CNTNAP5: variants seen among roughly 807,000 people sequenced by gnomAD.
CNTNAP5 encodes contactin-associated protein-like 5.
A neutral mutation model predicts 150.2 loss-of-function variants in CNTNAP5; 72 were observed. That is an observed-to-expected ratio of 0.48 (90% CI 0.40 to 0.58). CNTNAP5 has a LOEUF of 0.58. Ranked by LOEUF, CNTNAP5 falls within the 20% of genes least tolerant of loss-of-function variation. The pLI, the probability that CNTNAP5 is intolerant of heterozygous loss-of-function variation, is 0.00. For missense variants in CNTNAP5, 1,636 were observed against 1,626.2 expected, an observed-to-expected ratio of 1.01 and a Z score of -0.10; for synonymous variants, 672 against 619.8, an observed-to-expected ratio of 1.08 and a Z score of -1.25.
intron 22 of CNTNAP5, among the ~76,000 whole-genome samples, chr2:124,905,322 T>A (rs1379586831): frequency 6.6e-6 from 1 of 151,996 alleles, no homozygotes; most frequent in Non-Finnish European, 1.5e-5. Context: ...GGAACCCTTT[T>A]ACACTCCTGG....
At chr2:124,762,425 G>C (rs1680978535) in intron 14 of CNTNAP5, among the ~76,000 whole-genome samples, 1 of 151,954 alleles carries the variant, frequency 6.6e-6, no homozygotes, top group South Asian at 2.1e-4. Context: ...AATCATAGGT[G>C]GATGCATAAA....
chr2:124,568,661 T>C (rs2104936713), intron 11 of CNTNAP5, among the ~76,000 whole-genome samples: 1 of 152,348 alleles, frequency 6.6e-6, no homozygotes, highest in South Asian at 2.1e-4. Context: ...TTTTTCTTTG[T>C]CTTTCTTATT....
chr2:124,692,606 C>A (rs1679321233), intron 13 of CNTNAP5, among the ~76,000 whole-genome samples: 2 of 152,112 alleles, frequency 1.3e-5, no homozygotes, highest in African/African-American at 4.8e-5. Flanking sequence ...TGTGCATGCA[C>A]TGATGAGAGT....
At chr2:124,642,602 C>A (rs2105021724) in intron 12 of CNTNAP5, among the ~76,000 whole-genome samples, 1 of 152,266 alleles carries the variant, frequency 6.6e-6, no homozygotes, top group Non-Finnish European at 1.5e-5. Context: ...TACCCATGAA[C>A]TTTGCCCCAG....
chr2:124,433,285 A>G (rs1405951833), intron 4 of CNTNAP5, among the ~76,000 whole-genome samples: 1 of 152,178 alleles, frequency 6.6e-6, no homozygotes, highest in African/African-American at 2.4e-5. Flanking sequence ...TTGTATATGG[A>G]CAGTTTATTT....
At chr2:124,406,869 T>G (rs1691584284) in intron 3 of CNTNAP5, among the ~76,000 whole-genome samples, 1 of 152,192 alleles carries the variant, frequency 6.6e-6, no homozygotes, top group Admixed American at 6.5e-5. Context: ...ATACCTTTCC[T>G]GGCTTCTGGT....
At position 124,474,042 on chromosome 2, in the gene CNTNAP5, A is replaced by G. The variant is rs182941875; in HGVS notation, c.919-697A>G. Reference sequence around the variant, plus strand: ...CAACCTAATAATAACAATTCAGTGTATTTCCTCCCAGACTATGCTTTATGC... The same window carrying G: ...CAACCTAATAATAACAATTCAGTGTGTTTCCTCCCAGACTATGCTTTATGC... On this transcript the variant is annotated intron_variant, in intron 6 of 23. Coordinates refer to ENST00000682447, the MANE Select transcript of CNTNAP5 (RefSeq NM_001367498.1). Among the ~76,000 whole-genome samples, 50 of 152,122 alleles carry G rather than the reference A, an allele frequency of 3.3e-4. No individual in the cohort carries two copies. In the East Asian group the frequency reaches 8.9e-3, roughly 27 times the overall value.
intron 6 of CNTNAP5, among the ~76,000 whole-genome samples, chr2:124,459,222 T>G (rs1322288782): frequency 6.6e-6 from 1 of 152,210 alleles, no homozygotes; most frequent in Admixed American, 6.5e-5. Context: ...CAGAGTACAC[T>G]CAGCCACAGG....
chr2:124,582,138 C>A (rs1014920195), intron 11 of CNTNAP5, among the ~76,000 whole-genome samples: 2 of 152,006 alleles, frequency 1.3e-5, no homozygotes, highest in African/African-American at 2.4e-5. Context: ...CAGTGTAAAG[C>A]GATTCCATGC....
intron 1 of CNTNAP5, among the ~76,000 whole-genome samples, chr2:124,089,407 C>G (rs951604697): frequency 6.6e-6 from 1 of 151,944 alleles, no homozygotes; most frequent in Non-Finnish European, 1.5e-5. Context: ...ATGAGGTACC[C>G]AGGTCACAGG....
chr2:124,742,929 G>A (rs1000886715), intron 13 of CNTNAP5, among the ~76,000 whole-genome samples: 3 of 152,058 alleles, frequency 2.0e-5, no homozygotes, highest in Admixed American at 2.0e-4. Flanking sequence ...CTGAGGCTGT[G>A]TATGAAAACT....
intron 12 of CNTNAP5, among the ~76,000 whole-genome samples, chr2:124,641,853 G>A (rs953937153): frequency 6.6e-6 from 1 of 152,172 alleles, no homozygotes; most frequent in African/African-American, 2.4e-5. Context: ...ACAGATATGT[G>A]TGTAGAATGA....
intron 19 of CNTNAP5, among the ~76,000 whole-genome samples, chr2:124,824,240 AC>A (rs1682547847): frequency 1.3e-5 from 2 of 151,974 alleles, no homozygotes; most frequent in East Asian, 1.9e-4. Flanking sequence ...TAGATGAGTG[AC>A]CATGCTCTTT....
Position 124,086,286 on chromosome 2 carries a change from T to C in CNTNAP5, c.82+60554T>C, listed in dbSNP as rs1682690382. Among the ~76,000 whole-genome samples the C allele has an allele frequency of 4.3e-5, 6 of 139,406 alleles. No individual in the cohort carries two copies. In the South Asian group the frequency reaches 1.5e-3, roughly 34 times the overall value. 91.5% of individuals were successfully genotyped at this position (139,406 alleles called of 152,430 possible). A position where few individuals can be genotyped will look rare whatever the true frequency, so the allele number is the denominator to read the frequency against. On this transcript the variant is annotated intron_variant, in intron 1 of 23. Coordinates refer to ENST00000682447, the MANE Select transcript of CNTNAP5 (RefSeq NM_001367498.1). ...ATCTCGGCTCATTGCAAGCTCCGCC[T>C]CCCGGCTCCCGGGTTCACTCCATTC...
intron 5 of CNTNAP5, among the ~76,000 whole-genome samples, chr2:124,437,003 T>C (rs1692547558): frequency 6.6e-6 from 1 of 152,160 alleles, no homozygotes. Context: ...AGTACTTTAG[T>C]CCCTCCTACC....
intron 3 of CNTNAP5, among the ~76,000 whole-genome samples, chr2:124,268,725 C>T (rs1013713283): frequency 1.3e-5 from 2 of 152,108 alleles, no homozygotes; most frequent in Admixed American, 6.5e-5. Context: ...CTTACATTTC[C>T]GGGTTGCCCA....
chr2:124,166,833 C>T (rs1402761020), intron 1 of CNTNAP5, among the ~76,000 whole-genome samples: 1 of 152,166 alleles, frequency 6.6e-6, no homozygotes, highest in Non-Finnish European at 1.5e-5. Context: ...CCCCAAGCTA[C>T]AGACTCAATC....
chr2:124,301,859 G>C (rs1437064753), intron 3 of CNTNAP5, among the ~76,000 whole-genome samples: 1 of 152,188 alleles, frequency 6.6e-6, no homozygotes, highest in Non-Finnish European at 1.5e-5. Context: ...CTGAAGTACT[G>C]TTATGGACTA....
chr2:124,700,043 C>T (rs1337663176), intron 13 of CNTNAP5, among the ~76,000 whole-genome samples: 1 of 152,150 alleles, frequency 6.6e-6, no homozygotes, highest in Non-Finnish European at 1.5e-5. Flanking sequence ...CAACCATTAA[C>T]ACTAATCTAT....
Sources: gnomAD v4.1 joint callset for allele counts (sites outside exome capture counted in the v4.1 genomes callset) on GRCh38, gnomAD v4.1.1 for gene constraint, MANE v1.5 for transcripts, NCBI Gene and HGNC (gene_info 2026-07-23, HGNC 2026-07-21) for gene names.